ARHGEF12: variants seen among roughly 807,000 people sequenced by gnomAD.
The protein encoded by ARHGEF12 is Rho guanine nucleotide exchange factor 12.
A neutral mutation model predicts 211.2 loss-of-function variants in ARHGEF12; 66 were observed. That is an observed-to-expected ratio of 0.31 (90% CI 0.26 to 0.38). ARHGEF12 has a LOEUF of 0.38. Among genes scored for constraint, ARHGEF12 ranks in the 10% least tolerant of loss-of-function variants. ARHGEF12 has a pLI of 1.00. For synonymous variants in ARHGEF12, 592 were observed against 638.4 expected (o/e 0.93, Z 1.09); for missense variants, 1,429 against 1,869.5 (o/e 0.76, Z 4.34).
rs1555090042 is a variant in ARHGEF12, at chr11:120,347,183, C to CTTTCTTTCTTTCTTTCTTTCTTTCTTT, written c.32+9908_32+9909insTTTCTTTCTTTCTTTCTTTCTTTCTTT. Among the ~76,000 whole-genome samples, 31 of 100,304 alleles carry CTTTCTTTCTTTCTTTCTTTCTTTCTTT rather than the reference C, an allele frequency of 3.1e-4. 1 individual carries two copies. Among genetic ancestry groups the CTTTCTTTCTTTCTTTCTTTCTTTCTTT allele is most frequent in the Non-Finnish European group, 5.9e-4 (27 of 45,884 alleles). The allele number at this position is 100,304 out of a possible 152,430, so 65.8% of individuals were successfully genotyped here. A position where few individuals can be genotyped will look rare whatever the true frequency, so the allele number is the denominator to read the frequency against. ...TCCTTCCTTCCTTCCTTCCTTCCTT[C>CTTTCTTTCTTTCTTTCTTTCTTTCTTT]CTTTCTTTCTTTCTTTCTTTCTCTT... is the stretch of plus-strand genomic sequence containing the variant. On this transcript the variant is annotated intron_variant, in intron 1 of 40. Transcript: ENST00000397843.
At chr11:120,425,706 C>G (rs1380184620) in intron 7 of ARHGEF12, among the ~76,000 whole-genome samples, 1 of 150,020 alleles carries the variant, frequency 6.7e-6, no homozygotes, top group Non-Finnish European at 1.5e-5. Context: ...ATATAACTTC[C>G]TTTTTCTTTG....
intron 40 of ARHGEF12, 145 bp downstream of exon 40, chr11:120,484,652 CA>C: frequency 1.3e-6 from 1 of 746,238 alleles, no homozygotes; most frequent in Non-Finnish European, 2.1e-6. Context: ...CATCAGATAT[CA>C]AGCGGAAGCT....
intron 1 of ARHGEF12, among the ~76,000 whole-genome samples, chr11:120,403,127 T>C (rs1454017021): frequency 1.3e-5 from 2 of 152,204 alleles, no homozygotes; most frequent in Admixed American, 1.3e-4. Flanking sequence ...AAAGGTATTC[T>C]GAGTTGAGTG....
At chr11:120,464,771 A>T (rs1028783582) in intron 27 of ARHGEF12, 2 of 154,478 alleles carry the variant, frequency 1.3e-5, no homozygotes, top group African/African-American at 4.8e-5. Context: ...CTTTGGGGAC[A>T]CCAAGGTGGG....
At chr11:120,355,806 A>T (rs1311116297) in intron 1 of ARHGEF12, among the ~76,000 whole-genome samples, 1 of 152,244 alleles carries the variant, frequency 6.6e-6, no homozygotes, top group Non-Finnish European at 1.5e-5. Context: ...GAAAATATTC[A>T]GCCAAAGAAG....
chr11:120,421,277 G>C (rs1345532351), intron 5 of ARHGEF12, among the ~76,000 whole-genome samples: 1 of 151,854 alleles, frequency 6.6e-6, no homozygotes, highest in East Asian at 1.9e-4. Flanking sequence ...CTTTATGTTG[G>C]GTGCTATAAT....
chr11:120,460,596 T>A, intron 26 of ARHGEF12, 76 bp from the exon 27 acceptor site: 51 of 1,181,522 alleles, frequency 4.3e-5, no homozygotes, highest in East Asian at 9.7e-5. Flanking sequence ...AAAAAAAAAA[T>A]TAGCTACTCT....
chr11:120,424,484 T>A (rs1945284479), intron 7 of ARHGEF12, 69 bp downstream of exon 7: 4 of 1,288,500 alleles, frequency 3.1e-6, no homozygotes, highest in Non-Finnish European at 2.2e-6. Context: ...GCAAATTTCC[T>A]GTAATAGGCC....
chr11:120,428,165 A>T lies in ARHGEF12; in HGVS notation c.503A>T (p.His168Leu). ...DSEVEPSVIG[H>L]MSPIMTSPHS... ...GAAGTAGAGCCGTCAGTCATTGGAC[A>T]TATGTCTCCCATCATGACATCTCCT... Residue 168 changes from histidine (H) to leucine (L), a missense_variant, in exon 8 of 41, where the codon CAT becomes CTT. Coordinates refer to ENST00000397843, the MANE Select transcript of ARHGEF12 (RefSeq NM_015313.3). 6.2e-7 allele frequency: 1 copy of T among 1,612,106 alleles called. No individual in the cohort carries two copies. Among genetic ancestry groups the T allele is most frequent in the African/African-American group, 1.3e-5 (1 of 75,020 alleles).
chr11:120,407,665 C>G (rs1048679048), intron 2 of ARHGEF12, 73 bp from the exon 3 acceptor site: 24 of 1,161,680 alleles, frequency 2.1e-5, no homozygotes, highest in Admixed American at 7.3e-5. Flanking sequence ...GTAAGATCCA[C>G]TTTTAGAATT....
intron 1 of ARHGEF12, among the ~76,000 whole-genome samples, chr11:120,366,447 C>CA: frequency 6.6e-6 from 1 of 152,286 alleles, no homozygotes; most frequent in East Asian, 1.9e-4. Context: ...CGTGAGCCAC[C>CA]AACCCTGCCC....
intron 4 of ARHGEF12, among the ~76,000 whole-genome samples, chr11:120,419,005 G>A (rs960552538): frequency 6.7e-6 from 1 of 149,376 alleles, no homozygotes; most frequent in Non-Finnish European, 1.5e-5. Context: ...ACAGAGTCTC[G>A]CTCTGTCGCC....
chr11:120,465,515 G>A (rs1946677835), intron 28 of ARHGEF12, among the ~76,000 whole-genome samples, 153 bp downstream of exon 28: 1 of 151,974 alleles, frequency 6.6e-6, no homozygotes, highest in African/African-American at 2.4e-5. Flanking sequence ...TGCCCAGGCT[G>A]GAGTGCAATG....
At chr11:120,359,584 G>A (rs1480494588) in intron 1 of ARHGEF12, among the ~76,000 whole-genome samples, 3 of 152,220 alleles carry the variant, frequency 2.0e-5, no homozygotes, top group East Asian at 1.9e-4. Context: ...AAATACTTAC[G>A]GAATATCTGG....
intron 36 of ARHGEF12, 79 bp from the exon 37 acceptor site, chr11:120,478,077 G>C: frequency 1.3e-6 from 1 of 794,780 alleles, no homozygotes; most frequent in East Asian, 2.8e-5. Flanking sequence ...TTTTTTTTCT[G>C]ATTCTTCCCT....
At chr11:120,403,531 G>A (rs545548791) in intron 1 of ARHGEF12, among the ~76,000 whole-genome samples, 38 of 150,008 alleles carry the variant, frequency 2.5e-4, no homozygotes, top group African/African-American at 8.6e-4. Context: ...AAAAAAAAAA[G>A]GCATCTAGCC....
At position 120,489,595 on chromosome 11, in the gene ARHGEF12, G is replaced by A. The variant is rs773812893; in HGVS notation, c.*4518G>A. 13 of 216,076 alleles carry A rather than the reference G, an allele frequency of 6.0e-5. No homozygotes were observed. Among genetic ancestry groups the A allele is most frequent in the Non-Finnish European group, 8.4e-5 (9 of 107,250 alleles). The allele number at this position is 216,076 out of a possible 1,614,324, so 13.4% of individuals were successfully genotyped here. A position where few individuals can be genotyped will look rare whatever the true frequency, so the allele number is the denominator to read the frequency against. Reference sequence around the variant, plus strand: ...TGGGCATTTGCTGTATTTTGGTTTTGAAATACTTGTAATTTGACTTATTCT... The same window carrying A: ...TGGGCATTTGCTGTATTTTGGTTTTAAAATACTTGTAATTTGACTTATTCT... On this transcript the variant is annotated 3_prime_UTR_variant, in exon 41 of 41. Coordinates refer to ENST00000397843, the MANE Select transcript of ARHGEF12 (RefSeq NM_015313.3).
chr11:120,369,857 G>A (rs533435770), intron 1 of ARHGEF12, among the ~76,000 whole-genome samples: 3 of 152,228 alleles, frequency 2.0e-5, no homozygotes, highest in East Asian at 1.9e-4. Context: ...TTTGGGGGAC[G>A]AGGCAAGCAA....
At chr11:120,394,007 A>G (rs1269558140) in intron 1 of ARHGEF12, among the ~76,000 whole-genome samples, 1 of 152,224 alleles carries the variant, frequency 6.6e-6, no homozygotes, top group Non-Finnish European at 1.5e-5. Context: ...TTAGAAATCA[A>G]TAAAAGATCT....
Sources: gnomAD v4.1 joint callset for allele counts (sites outside exome capture counted in the v4.1 genomes callset) on GRCh38, gnomAD v4.1.1 for gene constraint, MANE v1.5 for transcripts, NCBI Gene and HGNC (gene_info 2026-07-23, HGNC 2026-07-21) for gene names.